Variants in MRPL43 observed in about 807,000 individuals in gnomAD.
The protein encoded by MRPL43 is large ribosomal subunit protein mL43.
A neutral mutation model predicts 12.7 loss-of-function variants in MRPL43; 9 were observed. The ratio of observed to expected loss-of-function variants is 0.71; its 90% confidence interval spans 0.43 to 1.24. MRPL43 has a LOEUF of 1.24. MRPL43 is among the 50% of genes most tolerant of loss of function. The pLI is 0.00. For missense variants in MRPL43, 211 were observed against 229.2 expected, an observed-to-expected ratio of 0.92 and a Z score of 0.51; for synonymous variants, 116 against 96.4, an observed-to-expected ratio of 1.20 and a Z score of -1.19.
chr10:100,980,248 CT>C, downstream of MRPL43: 1 of 1,614,238 alleles, frequency 6.2e-7, no homozygotes, highest in Non-Finnish European at 8.5e-7. Flanking sequence ...TGGACGGCCC[CT>C]GCTGCTCAAG....
Position 100,987,426 on chromosome 10 carries a change from A to T in MRPL43, c.18T>A (p.Thr6=). 2.5e-6 allele frequency: 4 copies of T among 1,612,286 alleles called. No individual in the cohort carries two copies. Among genetic ancestry groups the T allele is most frequent in the Non-Finnish European group, 3.4e-6 (4 of 1,179,860 alleles). ...GAACGCTGGCCAAGAAGCGGCTCGG[A>T]GTCCCGCGCGCCGTCATAGCTACAG... MTARG[T]PSRFLASVLH... is the part of the protein sequence containing the mutation. The change falls in exon 1 of 3, where the codon ACT becomes ACA. Residue 6 remains threonine, a synonymous_variant. Transcript: ENST00000318364.
chr10:100,985,042 C>T, downstream of MRPL43: 1 of 855,834 alleles, frequency 1.2e-6, no homozygotes, highest in East Asian at 2.8e-5. Context: ...GTGGACATTT[C>T]AGAGGGAGAT....
chr10:100,986,923 G>T lies in MRPL43; in HGVS notation c.291C>A (p.Ile97=). The change falls in exon 3 of 3, where the codon ATC becomes ATA. Residue 97 remains isoleucine (I), a synonymous_variant. Coordinates refer to ENST00000318364, the MANE Select transcript of MRPL43 (RefSeq NM_032112.3). ...CGGCCAGCTTCTGCACCAGCGTCGA[G>T]ATCTCCTCGACCGACTTGCAGTGGA... The part of the protein sequence containing the change: ...ESIHCKSVEE[I]STLVQKLADQ... 2 of 1,610,514 alleles carry T rather than the reference G, an allele frequency of 1.2e-6. No homozygotes were observed. Among genetic ancestry groups the T allele is most frequent in the Non-Finnish European group, 1.7e-6 (2 of 1,180,012 alleles).
At chr10:100,977,886 T>C, downstream of MRPL43, 1 of 634,758 alleles carries the variant, frequency 1.6e-6, no homozygotes, top group Non-Finnish European at 2.8e-6. Flanking sequence ...CGGGCTGCAC[T>C]GGAGAACCAT....
At chr10:100,980,155 A>G, downstream of MRPL43, 2 of 1,614,238 alleles carry the variant, frequency 1.2e-6, no homozygotes, top group South Asian at 2.2e-5. Context: ...CCAAGGCTAC[A>G]ATTCATCCCA....
downstream of MRPL43, chr10:100,981,503 T>C (rs376967369): frequency 1.9e-6 from 3 of 1,614,072 alleles, no homozygotes; most frequent in African/African-American, 1.3e-5. Context: ...AGGACGGTAA[T>C]GGGTATTTCC....
downstream of MRPL43, chr10:100,983,258 C>G: frequency 6.8e-7 from 1 of 1,470,478 alleles, no homozygotes; most frequent in South Asian, 1.4e-5. Flanking sequence ...CATCTCTAAT[C>G]CCTTCCTGGG....
Position 100,987,423 on chromosome 10 carries a change from C to G in MRPL43, c.21G>C (p.Pro7=), listed in dbSNP as rs774379812. The change falls in exon 1 of 3, where the codon CCG becomes CCC. Residue 7 remains proline, a synonymous_variant. Coordinates refer to ENST00000318364, the MANE Select transcript of MRPL43 (RefSeq NM_032112.3). Reference sequence around the variant, plus strand: ...GGAGAACGCTGGCCAAGAAGCGGCTCGGAGTCCCGCGCGCCGTCATAGCTA... The same window carrying G: ...GGAGAACGCTGGCCAAGAAGCGGCTGGGAGTCCCGCGCGCCGTCATAGCTA... MTARGT[P]SRFLASVLHN... The G allele has an allele frequency of 1.2e-6, 2 of 1,612,280 alleles. No homozygotes were observed. Among genetic ancestry groups the G allele is most frequent in the Middle Eastern group, 1.7e-4 (1 of 6,048 alleles).
downstream of MRPL43, among the ~76,000 whole-genome samples, chr10:100,982,684 C>G (rs1351685769): frequency 6.6e-6 from 1 of 152,216 alleles, no homozygotes; most frequent in African/African-American, 2.4e-5. Flanking sequence ...CCCAGCTACT[C>G]AGGAGCCAGA....
chr10:100,978,402 C>T (rs1850894058), downstream of MRPL43: 1 of 1,610,576 alleles, frequency 6.2e-7, no homozygotes, highest in African/African-American at 1.3e-5. Context: ...AGCAGGCCTT[C>T]TTCCCTATCA....
downstream of MRPL43, chr10:100,983,627 T>C (rs1851248197): frequency 1.2e-6 from 2 of 1,613,910 alleles, no homozygotes; most frequent in South Asian, 2.2e-5. Flanking sequence ...AGCTGGCACC[T>C]GATGTGAGAC....
At chr10:100,987,048 G>GC (rs1165058807) in intron 2 of MRPL43, 42 bp downstream of exon 2, 7 of 1,609,166 alleles carry the variant, frequency 4.4e-6, no homozygotes, top group African/African-American at 1.3e-5. Context: ...AGCGGGTCGA[G>GC]CCCCTGATCC....
downstream of MRPL43, chr10:100,984,795 C>A (rs1403242646): frequency 2.6e-6 from 4 of 1,535,626 alleles, no homozygotes; most frequent in Non-Finnish European, 3.5e-6. Context: ...AACGGGCCAG[C>A]CTGGGGAGGT....
downstream of MRPL43, chr10:100,980,370 C>G: frequency 6.3e-7 from 1 of 1,591,518 alleles, no homozygotes; most frequent in Non-Finnish European, 8.6e-7. Context: ...ATCCCTGATC[C>G]CTGTTGGCCC....
chr10:100,981,367 G>C (rs1851063185), downstream of MRPL43: 1 of 1,608,276 alleles, frequency 6.2e-7, no homozygotes, highest in Non-Finnish European at 8.5e-7. Context: ...CACAGAGCCT[G>C]GCACAGAGTA....
chr10:100,984,916 C>T (rs1409881469), downstream of MRPL43: 7 of 1,449,784 alleles, frequency 4.8e-6, no homozygotes, highest in Admixed American at 1.3e-4. Context: ...CAGGCATGTC[C>T]CATCCCCATG....
downstream of MRPL43, chr10:100,978,205 C>T (rs369802091): frequency 7.8e-5 from 69 of 886,456 alleles, 1 homozygote; most frequent in African/African-American, 2.7e-4. Context: ...TATCCCTGAT[C>T]GCTGATCCCT....
rs770967582 is a variant in MRPL43, at chr10:100,987,316, G to A, written c.128C>T (p.Ala43Val). 4.3e-6 allele frequency: 7 copies of A among 1,612,114 alleles called. No homozygotes were observed. Among genetic ancestry groups the A allele is most frequent in the African/African-American group, 1.3e-5 (1 of 74,934 alleles). Reference sequence around the variant, plus strand: ...CTGCGCACTTCCCTTGGCTCACCTGGCGCCGCGAGACGAGGCGCCGTCGCG... The same window carrying A: ...CTGCGCACTTCCCTTGGCTCACCTGACGCCGCGAGACGAGGCGCCGTCGCG... ...VSRDGASSRG[A>V]REFVEREVID... Residue 43 changes from alanine (A) to valine (V), a missense_variant, in exon 1 of 3, where the codon GCC becomes GTC. Coordinates refer to ENST00000318364, the MANE Select transcript of MRPL43 (RefSeq NM_032112.3).
At position 100,986,314 on chromosome 10, in the gene MRPL43, G is replaced by A; in HGVS notation, c.*420C>T. The A allele has an allele frequency of 1.4e-6, 2 of 1,414,188 alleles. No homozygotes were observed. Among genetic ancestry groups the A allele is most frequent in the Middle Eastern group, 5.2e-4 (2 of 3,828 alleles). 87.6% of individuals were successfully genotyped at this position (1,414,188 alleles called of 1,614,324 possible). A position where few individuals can be genotyped will look rare whatever the true frequency, so the allele number is the denominator to read the frequency against. On this transcript the variant is annotated 3_prime_UTR_variant, in exon 3 of 3. Transcript: ENST00000318364. ...GTTTATTAACCTGTTTTATAAATCT[G>A]TATTCACACAGATATAAAGTGCCTA...
Sources: gnomAD v4.1 joint callset for allele counts (sites outside exome capture counted in the v4.1 genomes callset) on GRCh38, gnomAD v4.1.1 for gene constraint, MANE v1.5 for transcripts, NCBI Gene and HGNC (gene_info 2026-07-23, HGNC 2026-07-21) for gene names.